Variants in USH2A observed in about 807,000 individuals in gnomAD.
USH2A encodes the protein Usher syndrome 2A (autosomal recessive, mild).
A neutral mutation model predicts 538.9 loss-of-function variants in USH2A; 443 were observed. The observed-to-expected ratio is 0.82, with a 90% CI of 0.76 to 0.89. The LOEUF is 0.89. Among genes scored for constraint, USH2A ranks in the 40% least tolerant of loss-of-function variants. The pLI is 0.00. For missense variants in USH2A, 6,633 were observed against 6,324.8 expected (o/e 1.05, Z -1.65); for synonymous variants, 2,413 against 2,273.5 (o/e 1.06, Z -1.75).
chr1:215,640,280 A>G (rs938672944), intron 68 of USH2A, among the ~76,000 whole-genome samples: 1 of 152,162 alleles, frequency 6.6e-6, no homozygotes, highest in Non-Finnish European at 1.5e-5. Context: ...TGTGAACCCA[A>G]CTGGCCCTTG....
chr1:215,872,177 T>C (rs1278146209), intron 43 of USH2A, among the ~76,000 whole-genome samples: 1 of 152,236 alleles, frequency 6.6e-6, no homozygotes, highest in Non-Finnish European at 1.5e-5. Flanking sequence ...TCATAAATCA[T>C]ACTTTTCCTT....
At position 216,001,024 on chromosome 1, in the gene USH2A, G is replaced by C. The variant is rs563984845; in HGVS notation, c.6326-462C>G. Among the ~76,000 whole-genome samples, 46 of 152,226 alleles carry C rather than the reference G, an allele frequency of 3.0e-4. No homozygotes were observed. In the South Asian group the frequency reaches 9.5e-3, roughly 32 times the overall value. On this transcript the variant is annotated intron_variant, in intron 32 of 71. Transcript: ENST00000307340. ...TCCATTCTTCTCCTGTCCACCACCT[G>C]ACTATTATTTGACCTTCAAATTGTC...
At position 216,097,133 on chromosome 1, in the gene USH2A, A is replaced by G. The variant is rs372792306; in HGVS notation, c.4708T>C (p.Phe1570Leu). Residue 1570 changes from phenylalanine to leucine, a missense_variant, in exon 22 of 72, where the codon TTT becomes CTT. Phe to Leu is a conservative substitution (Grantham distance 22). Transcript: ENST00000307340. ...CGTCCCTTCTTCAACTGAAGTGCAA[A>G]ATACTCTTCCTGATTGCCAGGTGAT... ...AASPGNQEEY[F>L]ALQLKKGRLY... The G allele has an allele frequency of 6.2e-7, 1 of 1,614,138 alleles. No individual in the cohort carries two copies. Among genetic ancestry groups the G allele is most frequent in the African/African-American group, 1.3e-5 (1 of 75,064 alleles).
At position 216,078,277 on chromosome 1, in the gene USH2A, T is replaced by C. The variant is rs2031822585; in HGVS notation, c.5384A>G (p.Tyr1795Cys). The change falls in exon 27 of 72, where the codon TAT (tyrosine) becomes TGT (cysteine). Residue 1795 changes from tyrosine to cysteine, a missense_variant. Physicochemically the swap from Tyr to Cys is radical, Grantham distance 194. Coordinates refer to ENST00000307340, the MANE Select transcript of USH2A (RefSeq NM_206933.4). ...TQVDLLLGLS[Y>C]CNGKWNKVII... ...GACTTTATTCCACTTTCCATTACAA[T>C]AGGATAGCCCCAGCAATAGATCCAC... 1 of 1,613,650 alleles carries C rather than the reference T, an allele frequency of 6.2e-7. No individual in the cohort carries two copies. The highest frequency in any genetic ancestry group is 8.5e-7 in the Non-Finnish European group (1 of 1,179,618).
intron 21 of USH2A, among the ~76,000 whole-genome samples, chr1:216,124,509 G>C (rs887673656): frequency 3.3e-5 from 5 of 152,126 alleles, no homozygotes; most frequent in Admixed American, 3.3e-4. Context: ...AACCCCTCCA[G>C]ATAGAAATAC....
intron 50 of USH2A, among the ~76,000 whole-genome samples, chr1:215,791,466 G>A (rs989448287): frequency 1.3e-5 from 2 of 152,070 alleles, no homozygotes; most frequent in African/African-American, 2.4e-5. Flanking sequence ...CATTGGTTTG[G>A]CACATGCCTT....
intron 38 of USH2A, among the ~76,000 whole-genome samples, chr1:215,920,476 C>T (rs1453527881): frequency 6.6e-6 from 1 of 152,030 alleles, no homozygotes; most frequent in African/African-American, 2.4e-5. Context: ...ATTTATATAT[C>T]ATGCTTTATG....
intron 11 of USH2A, among the ~76,000 whole-genome samples, chr1:216,254,124 CAA>C (rs2036215378): frequency 6.6e-6 from 1 of 152,082 alleles, no homozygotes; most frequent in Non-Finnish European, 1.5e-5. Flanking sequence ...AATAAAATAA[CAA>C]GTTTACTCCC....
intron 19 of USH2A, among the ~76,000 whole-genome samples, chr1:216,193,645 GA>G (rs2034768744): frequency 6.6e-6 from 1 of 152,032 alleles, no homozygotes; most frequent in Admixed American, 6.6e-5. Context: ...AAATGAGACG[GA>G]CACACAGACC....
chr1:215,890,610 C>T (rs1018645191), intron 40 of USH2A, among the ~76,000 whole-genome samples: 6 of 152,160 alleles, frequency 3.9e-5, no homozygotes, highest in South Asian at 2.1e-4. Context: ...TCACACTTTC[C>T]GTTTCAGTCT....
intron 9 of USH2A, among the ~76,000 whole-genome samples, chr1:216,296,352 G>A (rs1005173941): frequency 6.6e-6 from 1 of 151,766 alleles, no homozygotes; most frequent in African/African-American, 2.4e-5. Context: ...AAACCTTTAG[G>A]CTAAGGTAGT....
chr1:216,088,086 G>T (rs2032190557), intron 23 of USH2A, among the ~76,000 whole-genome samples: 1 of 151,924 alleles, frequency 6.6e-6, no homozygotes, highest in Non-Finnish European at 1.5e-5. Context: ...CTTCTTGTTG[G>T]TCCTTGACAT....
chr1:216,120,672 C>CCCGG (rs2033118809), intron 21 of USH2A, among the ~76,000 whole-genome samples: 1 of 151,984 alleles, frequency 6.6e-6, no homozygotes, highest in Admixed American at 6.5e-5. Context: ...AGCCACCGCA[C>CCCGG]CCGGCCTCGT....
intron 21 of USH2A, among the ~76,000 whole-genome samples, chr1:216,107,453 A>G (rs1282970287): frequency 2.6e-5 from 4 of 151,638 alleles, no homozygotes; most frequent in African/African-American, 9.7e-5. Flanking sequence ...CTTATGATAA[A>G]TGTTTCATGG....
At chr1:216,372,797 C>T (rs2038739522) in intron 3 of USH2A, among the ~76,000 whole-genome samples, 1 of 152,156 alleles carries the variant, frequency 6.6e-6, no homozygotes, top group Non-Finnish European at 1.5e-5. Flanking sequence ...TACACTTCTA[C>T]ATTTAAGAAA....
At chr1:215,675,758 G>A (rs1243344973) in intron 62 of USH2A, 142 bp from the exon 63 acceptor site, 1 of 1,493,282 alleles carries the variant, frequency 6.7e-7, no homozygotes, top group African/African-American at 1.4e-5. Flanking sequence ...ATTAATTGGG[G>A]ATATGTGATT....
At chr1:216,236,539 T>G (rs62906) in intron 13 of USH2A, among the ~76,000 whole-genome samples, 37,110 of 152,044 alleles carry the variant, frequency 0.24, 4,539 homozygotes, top group African/African-American at 0.26. Context: ...AATGGATAGA[T>G]AGCTGAATGG....
intron 49 of USH2A, among the ~76,000 whole-genome samples, chr1:215,800,722 C>A (rs548957604): frequency 6.6e-6 from 1 of 152,230 alleles, no homozygotes; most frequent in South Asian, 2.1e-4. Context: ...TAACTCTCAG[C>A]AGCTATCCTT....
intron 14 of USH2A, among the ~76,000 whole-genome samples, chr1:216,222,892 C>T (rs2035483906): frequency 6.7e-6 from 1 of 149,812 alleles, no homozygotes; most frequent in Non-Finnish European, 1.5e-5. Context: ...GCAGGAGAAT[C>T]ATTTGAACCC....
Sources: gnomAD v4.1 joint callset for allele counts (sites outside exome capture counted in the v4.1 genomes callset) on GRCh38, gnomAD v4.1.1 for gene constraint, MANE v1.5 for transcripts, NCBI Gene and HGNC (gene_info 2026-07-23, HGNC 2026-07-21) for gene names.